UBAP2: variants seen among roughly 807,000 people sequenced by gnomAD.
UBAP2 encodes ubiquitin associated protein 2, also known as ubiquitin-associated protein 2.
UBAP2 carries 75 observed loss-of-function variants against 139.6 expected under a neutral mutation model. The observed-to-expected ratio is 0.54, with a 90% confidence interval of 0.45 to 0.65. The LOEUF is 0.65. Ranked by LOEUF, UBAP2 falls within the 30% of genes least tolerant of loss-of-function variation. UBAP2 has a pLI of 0.00. For missense variants in UBAP2, 1,368 were observed against 1,369.6 expected (o/e 1.00, Z 0.02); for synonymous variants, 526 against 526.2 (o/e 1.00, Z 0.01).
At chr9:33,925,277 G>A (rs1823326595) in intron 22 of UBAP2, among the ~76,000 whole-genome samples, 1 of 152,176 alleles carries the variant, frequency 6.6e-6, no homozygotes, top group Non-Finnish European at 1.5e-5. Context: ...AGAACCCCCG[G>A]AAGAGGCAGA....
chr9:33,985,685 G>A (rs538193291), intron 6 of UBAP2, among the ~76,000 whole-genome samples: 7 of 152,094 alleles, frequency 4.6e-5, no homozygotes, highest in African/African-American at 1.7e-4. Flanking sequence ...AGAGGGTGGG[G>A]AATAAAGAGA....
At chr9:34,017,930 A>AT in intron 1 of UBAP2, among the ~76,000 whole-genome samples, 1 of 152,142 alleles carries the variant, frequency 6.6e-6, no homozygotes, top group Non-Finnish European at 1.5e-5. Flanking sequence ...CCGTCTCAAA[A>AT]AAAAAAAAAA....
intron 6 of UBAP2, 103 bp downstream of exon 6, chr9:33,986,657 T>C (rs1587616366): frequency 2.1e-6 from 2 of 945,990 alleles, no homozygotes; most frequent in East Asian, 2.4e-5. Context: ...TGACCTGCTA[T>C]TCTTTCAGAA....
intron 1 of UBAP2, among the ~76,000 whole-genome samples, chr9:34,038,862 C>T (rs1195099809): frequency 4.0e-5 from 6 of 148,758 alleles, no homozygotes; most frequent in Admixed American, 6.6e-5. Context: ...GGCCGCCCAT[C>T]GTCTGAGATG....
At chr9:34,033,746 T>TA (rs1047588668) in intron 1 of UBAP2, among the ~76,000 whole-genome samples, 1 of 151,850 alleles carries the variant, frequency 6.6e-6, no homozygotes, top group African/African-American at 2.4e-5. Flanking sequence ...ATTCTTTTTT[T>TA]TTTTTTTTAA....
chr9:34,003,853 G>A (rs1822945204), intron 2 of UBAP2, among the ~76,000 whole-genome samples: 1 of 152,058 alleles, frequency 6.6e-6, no homozygotes, highest in African/African-American at 2.4e-5. Flanking sequence ...TTGAGTAGCT[G>A]GGATTACAGG....
intron 6 of UBAP2, among the ~76,000 whole-genome samples, chr9:33,976,880 C>T (rs1470085167): frequency 6.6e-6 from 1 of 151,188 alleles, no homozygotes; most frequent in African/African-American, 2.4e-5. Context: ...GACATGGTGG[C>T]GCATGCCTGT....
chr9:33,975,911 T>A (rs1446186488), intron 6 of UBAP2, among the ~76,000 whole-genome samples: 1 of 151,764 alleles, frequency 6.6e-6, no homozygotes, highest in East Asian at 1.9e-4. Flanking sequence ...TGCTTGTGGG[T>A]ATATGTTTAT....
chr9:33,977,448 T>C (rs778636233), intron 6 of UBAP2, among the ~76,000 whole-genome samples: 3 of 152,220 alleles, frequency 2.0e-5, no homozygotes, highest in African/African-American at 4.8e-5. Flanking sequence ...ACTAGTAACA[T>C]TGGTTTCTGT....
chr9:33,933,730 A>G, intron 17 of UBAP2, 102 bp from the exon 18 acceptor site: 2 of 1,494,298 alleles, frequency 1.3e-6, no homozygotes, highest in Admixed American at 1.9e-5. Flanking sequence ...TGTCAGCCTC[A>G]GTTGAGACGT....
At chr9:33,996,993 A>T (rs1822258800) in intron 3 of UBAP2, 1 of 152,280 alleles carries the variant, frequency 6.6e-6, no homozygotes, top group African/African-American at 2.4e-5. Context: ...TGATTGTGCC[A>T]CTGCACTCTA....
intron 6 of UBAP2, among the ~76,000 whole-genome samples, chr9:33,984,473 G>A (rs1046260161): frequency 2.6e-5 from 4 of 151,768 alleles, no homozygotes; most frequent in Non-Finnish European, 5.9e-5. Flanking sequence ...GACCAACCTG[G>A]GCAACATTGC....
intron 8 of UBAP2, among the ~76,000 whole-genome samples, chr9:33,967,830 T>C (rs2131037588): frequency 6.6e-6 from 1 of 152,258 alleles, no homozygotes; most frequent in South Asian, 2.1e-4. Flanking sequence ...AAGAAGAAAA[T>C]GTCACTCAAC....
rs759372661 is a variant in UBAP2, at chr9:33,922,977, T to C, written c.3061A>G (p.Asn1021Asp). ...CCTTTGTCCCTCACCTGTGTCTTAT[T>C]GTAGACAGAACCAGTCATATCAGGT... ...GLPDMTGSVY[N>D]KTQTFDKQGF... Residue 1021 changes from asparagine (N) to aspartate (D), a missense_variant, in exon 27 of 29, where the codon AAT becomes GAT. Coordinates refer to ENST00000379238, the MANE Select transcript of UBAP2 (RefSeq NM_001370062.2). 1 of 1,613,986 alleles carries C rather than the reference T, an allele frequency of 6.2e-7. No individual in the cohort carries two copies. Among genetic ancestry groups the C allele is most frequent in the Non-Finnish European group, 8.5e-7 (1 of 1,180,016 alleles).
chr9:33,953,443 C>T lies in UBAP2; in HGVS notation c.898G>A (p.Val300Ile), dbSNP rs375705047. The part of the protein sequence containing the change: ...IDLVALLQKP[V>I]PHSQASEANS... Reference sequence around the variant, plus strand: ...GCTTCTGAGGCTTGACTGTGAGGAACAGGCTTCTGGAGCAAGGCTACCAGA... The same window carrying T: ...GCTTCTGAGGCTTGACTGTGAGGAATAGGCTTCTGGAGCAAGGCTACCAGA... The change falls in exon 12 of 29, where the codon GTT (valine) becomes ATT (isoleucine). Residue 300 changes from valine to isoleucine, a missense_variant. By Grantham distance (29) the Val-to-Ile change is conservative. Coordinates refer to ENST00000379238, the MANE Select transcript of UBAP2 (RefSeq NM_001370062.2). The T allele has an allele frequency of 6.2e-7, 1 of 1,613,976 alleles. No individual in the cohort carries two copies. The highest frequency in any genetic ancestry group is 8.5e-7 in the Non-Finnish European group (1 of 1,180,000).
chr9:33,997,015 A>G (rs572224771), intron 3 of UBAP2: 1 of 152,370 alleles, frequency 6.6e-6, no homozygotes, highest in African/African-American at 2.4e-5. Flanking sequence ...CACAGGAGAC[A>G]GAGCGAGACC....
intron 2 of UBAP2, among the ~76,000 whole-genome samples, chr9:34,002,519 A>G (rs1461458389): frequency 6.6e-6 from 1 of 151,612 alleles, no homozygotes; most frequent in Non-Finnish European, 1.5e-5. Flanking sequence ...CTAGGATTAC[A>G]GGTGCATGCC....
chr9:33,992,500 C>G (rs1026918620), intron 4 of UBAP2, among the ~76,000 whole-genome samples: 2 of 151,548 alleles, frequency 1.3e-5, no homozygotes, highest in Non-Finnish European at 2.9e-5. Context: ...GCAGAGGTTG[C>G]AGTGAGCTGA....
intron 2 of UBAP2, among the ~76,000 whole-genome samples, chr9:34,008,127 C>T (rs1303430751): frequency 6.6e-6 from 1 of 151,576 alleles, no homozygotes; most frequent in Non-Finnish European, 1.5e-5. Context: ...GAGTGAGACT[C>T]GTCTCAAAAA....
Sources: gnomAD v4.1 joint callset for allele counts (sites outside exome capture counted in the v4.1 genomes callset) on GRCh38, gnomAD v4.1.1 for gene constraint, MANE v1.5 for transcripts, NCBI Gene and HGNC (gene_info 2026-07-23, HGNC 2026-07-21) for gene names.